The following PBX3 variants were observed in gnomAD, a reference collection of about 807,000 sequenced individuals.
PBX3 encodes the protein PBX homeobox 3, also known as pre-B-cell leukemia transcription factor 3.
In PBX3, 14 loss-of-function variants were observed where a neutral mutation model predicts 48.5. That is an observed-to-expected ratio of 0.29 (90% CI 0.19 to 0.45). The LOEUF (loss-of-function observed/expected upper bound fraction) is 0.45, where lower values mean the gene tolerates loss of function less well. Ranked by LOEUF, PBX3 falls within the 20% of genes least tolerant of loss-of-function variation. The probability of loss-of-function intolerance (pLI) is 1.00; values close to 1 mark genes in which losing one functional copy is unlikely to be tolerated. For missense variants in PBX3, 386 were observed against 546.7 expected, an observed-to-expected ratio of 0.71 and a Z score of 2.93; for synonymous variants, 210 against 200.3, an observed-to-expected ratio of 1.05 and a Z score of -0.41.
At chr9:125,780,608 A>G (rs1297967873) in intron 2 of PBX3, among the ~76,000 whole-genome samples, 1 of 73,082 alleles carries the variant, frequency 1.4e-5, no homozygotes, top group Non-Finnish European at 2.7e-5. Flanking sequence ...GGCGCCCCTC[A>G]CCTCCCGGAC....
intron 2 of PBX3, among the ~76,000 whole-genome samples, chr9:125,782,450 T>C (rs1261261129): frequency 6.6e-6 from 1 of 152,212 alleles, no homozygotes; most frequent in African/African-American, 2.4e-5. Flanking sequence ...ACATAAAAAC[T>C]CTACTCCTTT....
At chr9:125,754,497 C>G (rs553855342) in intron 2 of PBX3, among the ~76,000 whole-genome samples, 1 of 151,956 alleles carries the variant, frequency 6.6e-6, no homozygotes, top group Non-Finnish European at 1.5e-5. Context: ...AAATTGCTAT[C>G]ACATCTAGTT....
chr9:125,935,746 A>G, intron 5 of PBX3, 139 bp downstream of exon 5: 1 of 910,918 alleles, frequency 1.1e-6, no homozygotes, highest in East Asian at 2.7e-5. Context: ...ATATTTCCAC[A>G]GTTTTAGGCA....
intron 2 of PBX3, among the ~76,000 whole-genome samples, chr9:125,816,350 A>G (rs1838463153): frequency 1.3e-5 from 2 of 152,116 alleles, no homozygotes; most frequent in South Asian, 4.1e-4. Flanking sequence ...GGGAAACTGG[A>G]AAGGAAGAAT....
chr9:125,854,462 T>A (rs1466008432), intron 2 of PBX3, among the ~76,000 whole-genome samples: 1 of 152,146 alleles, frequency 6.6e-6, no homozygotes, highest in Non-Finnish European at 1.5e-5. Flanking sequence ...ATTAAAAAAT[T>A]TAATCTATTG....
chr9:125,890,939 C>T (rs182345072), intron 2 of PBX3, among the ~76,000 whole-genome samples: 27 of 152,272 alleles, frequency 1.8e-4, no homozygotes, highest in Non-Finnish European at 3.1e-4. Context: ...TCAAATTTGG[C>T]CAGGAGCAAT....
intron 2 of PBX3, among the ~76,000 whole-genome samples, chr9:125,846,518 C>T (rs1281749916): frequency 2.0e-5 from 3 of 151,848 alleles, no homozygotes; most frequent in African/African-American, 4.8e-5. Context: ...ATATTCTCCC[C>T]ACCTCCTTCT....
intron 2 of PBX3, among the ~76,000 whole-genome samples, chr9:125,902,540 T>A (rs1487729458): frequency 6.6e-6 from 1 of 151,692 alleles, no homozygotes; most frequent in African/African-American, 2.4e-5. Flanking sequence ...AGATACAGAT[T>A]TAATTTGTAG....
chr9:125,901,711 AAC>A (rs1264753604), intron 2 of PBX3, among the ~76,000 whole-genome samples: 1 of 151,694 alleles, frequency 6.6e-6, no homozygotes. Context: ...TACTTCCAGT[AAC>A]AGTTTCAAAG....
chr9:125,949,171 A>G (rs1314540600), intron 5 of PBX3, among the ~76,000 whole-genome samples: 2 of 152,206 alleles, frequency 1.3e-5, no homozygotes. Flanking sequence ...CTCCAGCACT[A>G]TTTATTAACA....
At chr9:125,819,833 A>G (rs1241526108) in intron 2 of PBX3, among the ~76,000 whole-genome samples, 1 of 152,184 alleles carries the variant, frequency 6.6e-6, no homozygotes, top group Non-Finnish European at 1.5e-5. Context: ...AAATAGCAAA[A>G]TACTACAAAA....
chr9:125,835,688 G>A (rs956146612), intron 2 of PBX3, among the ~76,000 whole-genome samples: 6 of 152,170 alleles, frequency 3.9e-5, no homozygotes, highest in Admixed American at 3.9e-4. Context: ...AGTTAAAACA[G>A]CTTTTATCAA....
chr9:125,788,885 A>G (rs1017425229), intron 2 of PBX3, among the ~76,000 whole-genome samples: 1 of 152,048 alleles, frequency 6.6e-6, no homozygotes, highest in Admixed American at 6.5e-5. Flanking sequence ...AAAAAAAAAA[A>G]AGGAAAGCTT....
At chr9:125,927,621 C>T (rs1481376415) in intron 3 of PBX3, among the ~76,000 whole-genome samples, 1 of 152,176 alleles carries the variant, frequency 6.6e-6, no homozygotes, top group East Asian at 1.9e-4. Flanking sequence ...ATTTCCCATC[C>T]TGCATTTTTA....
chr9:125,801,238 T>A (rs1837934867), intron 2 of PBX3, among the ~76,000 whole-genome samples: 1 of 152,228 alleles, frequency 6.6e-6, no homozygotes, highest in South Asian at 2.1e-4. Context: ...GATTTTGAAG[T>A]ACTTCTCTGT....
At position 125,941,789 on chromosome 9, in the gene PBX3, T is replaced by C. The variant is rs541257780; in HGVS notation, c.843+6182T>C. ...ACATACTCTTAATTAGTAGAGCAGA[T>C]ATTAATTTACTTTTTGGAATAGAGC... On this transcript the variant is annotated intron_variant, in intron 5 of 8. Coordinates refer to ENST00000373489, the MANE Select transcript of PBX3 (RefSeq NM_006195.6). Among the ~76,000 whole-genome samples the C allele has an allele frequency of 2.8e-4, 42 of 152,350 alleles. 1 individual carries two copies. The South Asian group carries it at 7.9e-3, about 29-fold the overall frequency.
chr9:125,751,199 A>G (rs1836366142), intron 2 of PBX3, among the ~76,000 whole-genome samples: 1 of 152,246 alleles, frequency 6.6e-6, no homozygotes, highest in African/African-American at 2.4e-5. Context: ...TAGAAACCAG[A>G]AACATTATGT....
At chr9:125,778,547 G>T (rs1367956728) in intron 2 of PBX3, among the ~76,000 whole-genome samples, 5 of 151,480 alleles carry the variant, frequency 3.3e-5, no homozygotes, top group Non-Finnish European at 1.5e-5. Context: ...GTGAGCCACT[G>T]CGCCCGGCCT....
At chr9:125,779,245 C>CTTTTTTTTT (rs34221799) in intron 2 of PBX3, among the ~76,000 whole-genome samples, 2 of 127,842 alleles carry the variant, frequency 1.6e-5, no homozygotes, top group African/African-American at 3.0e-5. Context: ...AACTTTGTTC[C>CTTTTTTTTT]TTTTTTTTTT....
Sources: gnomAD v4.1 joint callset for allele counts (sites outside exome capture counted in the v4.1 genomes callset) on GRCh38, gnomAD v4.1.1 for gene constraint, MANE v1.5 for transcripts, NCBI Gene and HGNC (gene_info 2026-07-23, HGNC 2026-07-21) for gene names.